TRAPPC9: variants seen among roughly 807,000 people sequenced by gnomAD.
TRAPPC9 encodes the protein trafficking protein particle complex subunit 9, also known as IKK2 binding protein.
A neutral mutation model predicts 124.0 loss-of-function variants in TRAPPC9; 83 were observed. That is an observed-to-expected ratio of 0.67 (90% CI 0.56 to 0.80). TRAPPC9 has a LOEUF of 0.80. TRAPPC9 is among the 30% of genes least tolerant of loss of function. The pLI is 0.00. For synonymous variants in TRAPPC9, 638 were observed against 617.5 expected (o/e 1.03, Z -0.49); for missense variants, 1,302 against 1,508.3 (o/e 0.86, Z 2.27).
chr8:139,770,236 C>A (rs1049090252), intron 21 of TRAPPC9, among the ~76,000 whole-genome samples: 12 of 152,218 alleles, frequency 7.9e-5, no homozygotes, highest in Non-Finnish European at 1.2e-4. Flanking sequence ...GGAGCCCAGA[C>A]GCCCCGGAGA....
chr8:140,310,926 C>T (rs1177741554), intron 10 of TRAPPC9, among the ~76,000 whole-genome samples: 1 of 151,830 alleles, frequency 6.6e-6, no homozygotes, highest in Non-Finnish European at 1.5e-5. Context: ...AAGGAGAAGA[C>T]GATGTGATCA....
At chr8:139,864,893 A>G (rs75632278) in intron 21 of TRAPPC9, among the ~76,000 whole-genome samples, 3,396 of 152,344 alleles carry the variant, frequency 0.022, 120 homozygotes, top group African/African-American at 0.077. Flanking sequence ...TCCTAAGATG[A>G]GGAGAATAAA....
intron 21 of TRAPPC9, among the ~76,000 whole-genome samples, chr8:139,846,653 C>T (rs771093746): frequency 2.6e-5 from 4 of 152,244 alleles, no homozygotes; most frequent in African/African-American, 4.8e-5. Context: ...TCAGCAAACA[C>T]GATGCTAGCC....
intron 21 of TRAPPC9, among the ~76,000 whole-genome samples, chr8:139,827,546 A>G (rs1825722197): frequency 1.3e-5 from 2 of 152,136 alleles, no homozygotes; most frequent in Admixed American, 1.3e-4. Context: ...GGATGCAAGC[A>G]CAAAGAGGAG....
chr8:140,368,064 A>G (rs1350727802), intron 8 of TRAPPC9, among the ~76,000 whole-genome samples: 1 of 152,090 alleles, frequency 6.6e-6, no homozygotes, highest in Admixed American at 6.6e-5. Context: ...TCTATTCTGC[A>G]CCCCGTCATG....
intron 16 of TRAPPC9, among the ~76,000 whole-genome samples, chr8:140,240,016 T>C (rs2063821474): frequency 6.6e-6 from 1 of 152,192 alleles, no homozygotes; most frequent in Non-Finnish European, 1.5e-5. Flanking sequence ...GTGAATATAA[T>C]GCGTTCAAGA....
chr8:139,819,551 G>A (rs890683233), intron 21 of TRAPPC9, among the ~76,000 whole-genome samples: 14 of 152,138 alleles, frequency 9.2e-5, no homozygotes, highest in Admixed American at 7.2e-4. Context: ...GCACAGAGGC[G>A]GCATATGGAA....
chr8:140,242,586 G>A (rs1024125871), intron 16 of TRAPPC9, among the ~76,000 whole-genome samples: 11 of 152,208 alleles, frequency 7.2e-5, no homozygotes, highest in African/African-American at 2.7e-4. Flanking sequence ...TTTCGGGGCT[G>A]CCAGGTGAAA....
chr8:139,955,778 T>C (rs2665923), intron 19 of TRAPPC9, among the ~76,000 whole-genome samples: 135,817 of 152,220 alleles, frequency 0.89, 60,738 homozygotes, highest in Middle Eastern at 0.99. Flanking sequence ...GTGAGGGCTG[T>C]GCTAACATTC....
At chr8:139,813,355 G>A (rs1824575700) in intron 21 of TRAPPC9, among the ~76,000 whole-genome samples, 1 of 152,210 alleles carries the variant, frequency 6.6e-6, no homozygotes, top group African/African-American at 2.4e-5. Context: ...GACTCCTCCT[G>A]TCCCACAAGC....
intron 7 of TRAPPC9, among the ~76,000 whole-genome samples, chr8:140,377,722 A>T (rs1047954459): frequency 4.0e-5 from 6 of 151,130 alleles, no homozygotes; most frequent in African/African-American, 1.2e-4. Context: ...ACCCCCCATC[A>T]CTCCTTTCCT....
intron 11 of TRAPPC9, chr8:140,291,371 T>A (rs2065653144): frequency 8.5e-6 from 4 of 469,752 alleles, no homozygotes; most frequent in Non-Finnish European, 1.6e-5. Flanking sequence ...TACAGAGCCA[T>A]AAGGCACACT....
intron 18 of TRAPPC9, among the ~76,000 whole-genome samples, chr8:139,992,620 T>C (rs1024639110): frequency 2.0e-5 from 3 of 149,748 alleles, no homozygotes; most frequent in Non-Finnish European, 4.4e-5. Flanking sequence ...AAAACAATGA[T>C]GTGGGAGGTT....
chr8:140,042,707 C>T (rs897031452), intron 17 of TRAPPC9, among the ~76,000 whole-genome samples: 1 of 152,230 alleles, frequency 6.6e-6, no homozygotes, highest in African/African-American at 2.4e-5. Flanking sequence ...GTGGCAGAGC[C>T]CCCACCTAAC....
chr8:140,170,866 T>C (rs930591657), intron 17 of TRAPPC9, among the ~76,000 whole-genome samples: 1 of 152,178 alleles, frequency 6.6e-6, no homozygotes, highest in Non-Finnish European at 1.5e-5. Context: ...GACTCAGGCC[T>C]AGCCAGCCCC....
At chr8:140,452,069 C>A (rs79712994) in intron 1 of TRAPPC9, among the ~76,000 whole-genome samples, 12,921 of 149,220 alleles carry the variant, frequency 0.087, 624 homozygotes, top group African/African-American at 0.11. Flanking sequence ...TGCAGTGAGC[C>A]AAGATTGCGC....
At chr8:140,072,273 G>C (rs912923065) in intron 17 of TRAPPC9, among the ~76,000 whole-genome samples, 11 of 152,166 alleles carry the variant, frequency 7.2e-5, no homozygotes, top group African/African-American at 2.7e-4. Flanking sequence ...AGTGGCTCAT[G>C]CCGTAATCCT....
chr8:140,193,955 A>G lies in TRAPPC9; in HGVS notation c.2556+27504T>C, dbSNP rs141663053. Among the ~76,000 whole-genome samples the G allele has an allele frequency of 5.5e-3, 845 of 152,346 alleles. 8 individuals are homozygous for G. Among genetic ancestry groups the G allele is most frequent in the African/African-American group, 0.02 (824 of 41,558 alleles). On this transcript the variant is annotated intron_variant, in intron 17 of 22. Transcript: ENST00000438773. ...ATTTTGCACAAGGCAACATTCTGGG[A>G]AAAGTCCAAAAAGCAGATTCAGAAA...
intron 10 of TRAPPC9, among the ~76,000 whole-genome samples, chr8:140,306,906 G>A (rs567067663): frequency 4.1e-4 from 63 of 152,298 alleles, no homozygotes; most frequent in African/African-American, 1.3e-3. Context: ...AAGCAGTGTG[G>A]TGGGATGAGT....
Sources: allele counts gnomAD v4.1 joint callset (sites outside exome capture counted in the v4.1 genomes callset), GRCh38; gene constraint gnomAD v4.1.1; transcripts MANE v1.5; gene names NCBI Gene and HGNC (gene_info 2026-07-23, HGNC 2026-07-21).